The following RANBP9 variants were observed in gnomAD, a reference collection of about 807,000 sequenced individuals.
The protein encoded by RANBP9 is RAN binding protein 9.
In RANBP9, 15 loss-of-function variants were observed where a neutral mutation model predicts 84.3. The observed-to-expected ratio is 0.18, with a 90% CI of 0.12 to 0.27. The LOEUF (loss-of-function observed/expected upper bound fraction) is 0.27, where lower values mean the gene tolerates loss of function less well. Ranked by LOEUF, RANBP9 falls within the 10% of genes least tolerant of loss-of-function variation. RANBP9 has a pLI of 1.00. For missense variants in RANBP9, 809 were observed against 912.8 expected, an observed-to-expected ratio of 0.89 and a Z score of 1.46; for synonymous variants, 392 against 349.6, an observed-to-expected ratio of 1.12 and a Z score of -1.35.
At chr6:13,710,857 C>T (rs28605487) in intron 1 of RANBP9, 78 bp downstream of exon 1, 5 of 1,435,728 alleles carry the variant, frequency 3.5e-6, no homozygotes, top group Admixed American at 4.3e-5. Context: ...GGGTCGGGGG[C>T]GGGTCGAGAG....
intron 1 of RANBP9, among the ~76,000 whole-genome samples, chr6:13,697,304 G>T (rs368642031): frequency 6.6e-6 from 1 of 152,182 alleles, no homozygotes; most frequent in Admixed American, 6.5e-5. Flanking sequence ...TCTTGCCAAA[G>T]TCCTGGCTCT....
intron 11 of RANBP9, among the ~76,000 whole-genome samples, chr6:13,633,722 C>CA (rs952504929): frequency 1.3e-5 from 2 of 152,126 alleles, no homozygotes; most frequent in African/African-American, 4.8e-5. Flanking sequence ...TTTTAAAAAA[C>CA]AATTTTAGTA....
At chr6:13,685,158 A>G (rs1409350443) in intron 2 of RANBP9, among the ~76,000 whole-genome samples, 2 of 152,256 alleles carry the variant, frequency 1.3e-5, no homozygotes, top group African/African-American at 2.4e-5. Context: ...TTCCACTTCA[A>G]GAAATCTTTC....
chr6:13,697,748 T>C (rs553061339), intron 1 of RANBP9, among the ~76,000 whole-genome samples: 108 of 152,228 alleles, frequency 7.1e-4, no homozygotes, highest in Non-Finnish European at 1.1e-3. Flanking sequence ...AAGAAAGAAG[T>C]TGAAGTAGCA....
chr6:13,659,101 T>C (rs915369447), intron 2 of RANBP9, among the ~76,000 whole-genome samples: 1 of 152,056 alleles, frequency 6.6e-6, no homozygotes, highest in Non-Finnish European at 1.5e-5. Context: ...CTGACACCTA[T>C]AAAAAATCTC....
At chr6:13,627,630 CAAAAAAAAAAAAAAA>C (rs35401168) in intron 12 of RANBP9, among the ~76,000 whole-genome samples, 2 of 66,410 alleles carry the variant, frequency 3.0e-5, no homozygotes, top group Non-Finnish European at 5.8e-5. Context: ...ACTCCATCTC[CAAAAAAAAAAAAAAA>C]AAAAAAAAAT....
rs1351847444 is a variant in RANBP9 at position 13,711,671 on chromosome 6, C to G, written c.-166G>C. 29 of 481,018 alleles carry G rather than the reference C, an allele frequency of 6.0e-5. No individual in the cohort carries two copies. Among genetic ancestry groups the G allele is most frequent in the Non-Finnish European group, 8.6e-5 (28 of 324,680 alleles). The allele number at this position is 481,018 out of a possible 1,614,324, so 29.8% of individuals were successfully genotyped here. ...GGGAGACCGCGGCGGTTGAGGAGCTCGGAGACGCGGGAGTAGGCGGCGGGC... is the reference window on the plus strand; with the variant it reads ...GGGAGACCGCGGCGGTTGAGGAGCTGGGAGACGCGGGAGTAGGCGGCGGGC... On this transcript the variant is annotated 5_prime_UTR_variant, in exon 1 of 14. Transcript: ENST00000011619.
intron 5 of RANBP9, among the ~76,000 whole-genome samples, chr6:13,646,705 C>A (rs1427821930): frequency 1.3e-5 from 2 of 152,088 alleles, no homozygotes; most frequent in Non-Finnish European, 2.9e-5. Flanking sequence ...TTTAAAACTT[C>A]CCTATGACAA....
Position 13,688,982 on chromosome 6 carries a change from C to CAAAAAAAA in RANBP9, c.683+7795_683+7802dup, listed in dbSNP as rs1164073062. Among the ~76,000 whole-genome samples the CAAAAAAAA allele has an allele frequency of 3.6e-3, 108 of 29,928 alleles. 6 individuals are homozygous for CAAAAAAAA. Among genetic ancestry groups the CAAAAAAAA allele is most frequent in the African/African-American group, 9.0e-3 (86 of 9,566 alleles). 19.6% of individuals were successfully genotyped at this position (29,928 alleles called of 152,430 possible). ...TGCAACATACCGAGACCCATCTCCA[C>CAAAAAAAA]AAAAAAAAAAAAAAAAAAAAAATGC... On this transcript the variant is annotated intron_variant, in intron 2 of 13. Coordinates refer to ENST00000011619, the MANE Select transcript of RANBP9 (RefSeq NM_005493.3).
At chr6:13,683,646 A>G (rs1753572195) in intron 2 of RANBP9, among the ~76,000 whole-genome samples, 1 of 152,202 alleles carries the variant, frequency 6.6e-6, no homozygotes, top group Admixed American at 6.5e-5. Context: ...ACTGCCATTA[A>G]TCCAGGTGGT....
At chr6:13,658,319 G>A (rs568307766) in intron 3 of RANBP9, among the ~76,000 whole-genome samples, 25 of 152,018 alleles carry the variant, frequency 1.6e-4, no homozygotes, top group South Asian at 2.1e-4. Context: ...ATTAAAAACC[G>A]CTCAGCAGGC....
At chr6:13,658,902 AG>A in intron 2 of RANBP9, 70 bp from the exon 3 acceptor site, 1 of 1,418,542 alleles carries the variant, frequency 7.0e-7, no homozygotes, top group Non-Finnish European at 1.0e-6. Context: ...ATTACCAAAC[AG>A]TCTCAAACAA....
chr6:13,688,945 A>G (rs562399066), intron 2 of RANBP9, among the ~76,000 whole-genome samples: 33 of 141,138 alleles, frequency 2.3e-4, no homozygotes, highest in Non-Finnish European at 4.6e-4. Context: ...CCAGGAGTTC[A>G]AGACCAGCCT....
intron 2 of RANBP9, among the ~76,000 whole-genome samples, chr6:13,696,582 G>A (rs1757837076): frequency 6.6e-6 from 1 of 152,100 alleles, no homozygotes; most frequent in African/African-American, 2.4e-5. Context: ...TACCAGAAAA[G>A]CTTAGTTAAT....
At chr6:13,704,639 A>G (rs371662180) in intron 1 of RANBP9, among the ~76,000 whole-genome samples, 2 of 149,326 alleles carry the variant, frequency 1.3e-5, no homozygotes, top group African/African-American at 4.9e-5. Context: ...TCAAAAGAGA[A>G]AAAAAAAAAA....
intron 5 of RANBP9, among the ~76,000 whole-genome samples, chr6:13,645,193 T>G (rs1765153205): frequency 6.6e-6 from 1 of 152,184 alleles, no homozygotes; most frequent in Admixed American, 6.5e-5. Context: ...ATTTAATAGC[T>G]TAAATTTACT....
In RANBP9 at chr6:13,711,451, G is replaced by C. The variant is rs778267272; in HGVS notation, c.55C>G (p.Leu19Val). The C allele has an allele frequency of 2.6e-5, 31 of 1,215,002 alleles. No individual in the cohort carries two copies. Among genetic ancestry groups the C allele is most frequent in the South Asian group, 3.8e-5 (1 of 26,300 alleles). 75.3% of individuals were successfully genotyped at this position (1,215,002 alleles called of 1,614,324 possible). The change falls in exon 1 of 14, where the codon CTG becomes GTG. Residue 19 changes from leucine to valine, a missense_variant. Leu to Val is a conservative substitution (Grantham distance 32, BLOSUM62 1). Around this residue, in one of 5 missense-constraint regions of RANBP9, gnomAD observed 302 missense variants for 240.1 expected, o/e 1.26. Transcript: ENST00000011619. ...PPQQQQQQQQ[L>V]SPPPPAALAP... ...AAGGCCGCCGGCGGTGGCGGCGACA[G>C]CTGCTGCTGCTGTTGCTGCTGCTGC... is the stretch of plus-strand genomic sequence containing the variant.
chr6:13,665,589 G>A (rs1765626574), intron 2 of RANBP9, among the ~76,000 whole-genome samples: 1 of 152,098 alleles, frequency 6.6e-6, no homozygotes, highest in African/African-American at 2.4e-5. Flanking sequence ...GTTGCTCATA[G>A]GACTGAACAC....
chr6:13,650,298 G>A lies in RANBP9; in HGVS notation c.927+2361C>T, dbSNP rs145921093. ...TGCTTCTTGAAGAGTACTTTTGATCGGTAGGGTTCAAATATTCCTTGGCTT... is the reference window on the plus strand; with the variant it reads ...TGCTTCTTGAAGAGTACTTTTGATCAGTAGGGTTCAAATATTCCTTGGCTT... On this transcript the variant is annotated intron_variant, in intron 5 of 13. Transcript: ENST00000011619. Among the ~76,000 whole-genome samples, 402 of 151,466 alleles carry A rather than the reference G, an allele frequency of 2.7e-3. 2 individuals are homozygous for A. The highest frequency in any genetic ancestry group is 8.4e-3 in the African/African-American group (348 of 41,312).
Sources: gnomAD v4.1 joint callset for allele counts (sites outside exome capture counted in the v4.1 genomes callset) on GRCh38, gnomAD v4.1.1 for gene constraint, gnomAD v4.1.1 regional missense constraint, MANE v1.5 for transcripts, NCBI Gene and HGNC (gene_info 2026-07-23, HGNC 2026-07-21) for gene names.